Variants in LRRC27 observed in about 807,000 individuals in gnomAD.
LRRC27 encodes the protein leucine-rich repeat-containing protein 27.
LRRC27 carries 57 observed loss-of-function variants against 55.0 expected under a neutral mutation model. That is an observed-to-expected ratio of 1.04 (90% CI 0.84 to 1.29). The LOEUF (loss-of-function observed/expected upper bound fraction) is 1.29, where lower values mean the gene tolerates loss of function less well. Among genes scored for constraint, LRRC27 ranks in the 50% most tolerant of loss-of-function variants. LRRC27 has a pLI of 0.00. For synonymous variants in LRRC27, 278 were observed against 251.9 expected, an observed-to-expected ratio of 1.10 and a Z score of -0.98; for missense variants, 721 against 651.5, an observed-to-expected ratio of 1.11 and a Z score of -1.16.
At chr10:132,334,071 A>G (rs921557832) in intron 2 of LRRC27, among the ~76,000 whole-genome samples, 3 of 152,254 alleles carry the variant, frequency 2.0e-5, no homozygotes, top group African/African-American at 7.2e-5. Flanking sequence ...ATCAGGCAAC[A>G]TGAGCAGTTA....
At position 132,372,186 on chromosome 10, in the gene LRRC27, G is replaced by A. The variant is rs1167351109; in HGVS notation, c.1417-2880G>A. On this transcript the variant is annotated intron_variant, in intron 10 of 10. Transcript: ENST00000368614. This position sits in a 1 kb window ranked among gnomAD's most constrained non-coding sequence, Gnocchi z 4.0. ...CAGGAAGACAAAACCAACCACAGAA[G>A]GATGGGAAGTGGGGGTCGGGGTGCG... 1.3e-5 allele frequency among the ~76,000 whole-genome samples: 2 copies of A among 151,494 alleles called. No homozygotes were observed. Among genetic ancestry groups the A allele is most frequent in the South Asian group, 2.1e-4 (1 of 4,804 alleles).
chr10:132,339,570 G>A (rs1437417952), intron 3 of LRRC27, among the ~76,000 whole-genome samples: 2 of 152,174 alleles, frequency 1.3e-5, no homozygotes, highest in African/African-American at 4.8e-5. Flanking sequence ...TTGTGTTTTG[G>A]GAGCTGCATG....
At chr10:132,352,291 G>T (rs5016697) in intron 7 of LRRC27, among the ~76,000 whole-genome samples, 4,895 of 11,194 alleles carry the variant, frequency 0.44, 1,754 homozygotes, top group African/African-American at 0.74. Flanking sequence ...GAGGCCTCCG[G>T]GTGGGGCAGG....
chr10:132,348,246 C>A lies in LRRC27; in HGVS notation c.816C>A (p.His272Gln). 1 of 1,613,992 alleles carries A rather than the reference C, an allele frequency of 6.2e-7. No individual in the cohort carries two copies. The highest frequency in any genetic ancestry group is 8.5e-7 in the Non-Finnish European group (1 of 1,180,034). Reference protein sequence around the residue: ...FWKLRQEIVEHVKADVLGDQL... With the variant: ...FWKLRQEIVEQVKADVLGDQL... Reference sequence around the variant, plus strand: ...AGCTGAGGCAGGAGATTGTTGAGCACGTGAAGGCAGACGTTCTGGGAGATC... The same window carrying A: ...AGCTGAGGCAGGAGATTGTTGAGCAAGTGAAGGCAGACGTTCTGGGAGATC... Residue 272 changes from histidine (H) to glutamine (Q), a missense_variant, in exon 6 of 11, where the codon CAC becomes CAA. Physicochemically the swap from His to Gln is conservative, Grantham distance 24. Coordinates refer to ENST00000368614, the MANE Select transcript of LRRC27 (RefSeq NM_030626.3). The surrounding 1 kb of genome is among the most constrained non-coding windows in gnomAD (Gnocchi z 4.2).
upstream of LRRC27, chr10:132,331,499 T>A (rs750829895): frequency 6.2e-7 from 1 of 1,612,850 alleles, no homozygotes; most frequent in Non-Finnish European, 8.5e-7. Context: ...AAGAGGACGC[T>A]CTGAGTCTGC....
chr10:132,338,899 G>A (rs754293628), intron 3 of LRRC27, among the ~76,000 whole-genome samples: 2 of 151,958 alleles, frequency 1.3e-5, no homozygotes, highest in African/African-American at 2.4e-5. Context: ...TAGTAGAAAC[G>A]GGGTTTTGCC....
chr10:132,354,259 CT>C (rs957017909), intron 7 of LRRC27, among the ~76,000 whole-genome samples: 2 of 152,224 alleles, frequency 1.3e-5, no homozygotes, highest in Non-Finnish European at 2.9e-5. Context: ...ATTTTCCTGC[CT>C]GGAGCCCAGA....
At chr10:132,331,365 G>A (rs2066724616), upstream of LRRC27, 3 of 1,481,504 alleles carry the variant, frequency 2.0e-6, no homozygotes, top group South Asian at 1.3e-5. Flanking sequence ...GACCACGCGA[G>A]CACCTCCCCT....
chr10:132,333,069 T>C (rs2066896450), intron 1 of LRRC27, among the ~76,000 whole-genome samples: 1 of 152,076 alleles, frequency 6.6e-6, no homozygotes, highest in Non-Finnish European at 1.5e-5. Context: ...CTCAAGAAAC[T>C]AAAAACATAG....
intron 3 of LRRC27, among the ~76,000 whole-genome samples, chr10:132,340,856 G>A (rs558953060): frequency 5.0e-5 from 7 of 140,268 alleles, no homozygotes; most frequent in Admixed American, 3.0e-4. Context: ...ACTCCAGCCT[G>A]AGCCACAGAG....
chr10:132,362,191 A>T (rs1320653738), intron 9 of LRRC27, among the ~76,000 whole-genome samples: 1 of 126,826 alleles, frequency 7.9e-6, no homozygotes, highest in African/African-American at 3.5e-5. Flanking sequence ...GTCCCTGGCC[A>T]GGGGGCGGCC....
chr10:132,371,082 A>C (rs2069201813), intron 10 of LRRC27, among the ~76,000 whole-genome samples: 1 of 152,274 alleles, frequency 6.6e-6, no homozygotes, highest in Admixed American at 6.5e-5. Context: ...GAACCATCTA[A>C]GTTCACACTG....
Position 132,361,517 on chromosome 10 carries a change from C to T in LRRC27, c.1231C>T (p.Pro411Ser), listed in dbSNP as rs757619634. 14 of 1,613,976 alleles carry T rather than the reference C, an allele frequency of 8.7e-6. No individual in the cohort carries two copies. In the South Asian group the frequency reaches 1.5e-4, roughly 18 times the overall value. Reference sequence around the variant, plus strand: ...AGATAACAGGAAAGTACCACTGAATCCGCCTGGAAAAATGAAACCAAGCAA... The same window carrying T: ...AGATAACAGGAAAGTACCACTGAATTCGCCTGGAAAAATGAAACCAAGCAA... Reference protein sequence around the residue: ...LIDNRKVPLNPPGKMKPSKEK... With the variant: ...LIDNRKVPLNSPGKMKPSKEK... The change falls in exon 9 of 11, where the codon CCG (proline) becomes TCG (serine). Residue 411 changes from proline (P) to serine (S), a missense_variant. Coordinates refer to ENST00000368614, the MANE Select transcript of LRRC27 (RefSeq NM_030626.3).
chr10:132,331,370 T>TAA, upstream of LRRC27: 3 of 1,508,782 alleles, frequency 2.0e-6, no homozygotes, highest in Non-Finnish European at 1.8e-6. Flanking sequence ...CGCGAGCACC[T>TAA]CCCCTCCCGC....
In LRRC27 at chr10:132,375,087, G is replaced by C; in HGVS notation, c.1438G>C (p.Val480Leu). ...TAAGGCCACAGAGCTACAGGATGAA[G>C]TATTGAAGCTAAAATTGGGATTAAC... is the stretch of plus-strand genomic sequence containing the variant. ...LEIATELQDE[V>L]LKLKLGLTLN... Residue 480 changes from valine to leucine, a missense_variant, in exon 11 of 11, where the codon GTA (valine) becomes CTA (leucine). Physicochemically the swap from Val to Leu is conservative, Grantham distance 32. Coordinates refer to ENST00000368614, the MANE Select transcript of LRRC27 (RefSeq NM_030626.3). The C allele has an allele frequency of 6.2e-7, 1 of 1,613,712 alleles. No homozygotes were observed. Among genetic ancestry groups the C allele is most frequent in the African/African-American group, 1.3e-5 (1 of 75,046 alleles).
chr10:132,334,461 G>C (rs2067019387), intron 2 of LRRC27, among the ~76,000 whole-genome samples: 1 of 152,196 alleles, frequency 6.6e-6, no homozygotes, highest in South Asian at 2.1e-4. Flanking sequence ...GGCTGATCTT[G>C]AATGCCTGAG....
intron 7 of LRRC27, among the ~76,000 whole-genome samples, chr10:132,353,609 G>C (rs1448089341): frequency 6.6e-6 from 1 of 152,200 alleles, no homozygotes; most frequent in African/African-American, 2.4e-5. Flanking sequence ...GAGGCTGACT[G>C]ACCGCTCTAG....
At chr10:132,362,093 A>G (rs980825188) in intron 9 of LRRC27, among the ~76,000 whole-genome samples, 2 of 152,062 alleles carry the variant, frequency 1.3e-5, no homozygotes, top group South Asian at 2.1e-4. Context: ...GGTGAAGGGG[A>G]CTCAGGCAAA....
chr10:132,339,278 T>C (rs2067283080), intron 3 of LRRC27, among the ~76,000 whole-genome samples: 1 of 152,250 alleles, frequency 6.6e-6, no homozygotes, highest in South Asian at 2.1e-4. Context: ...TAGGAGGCCC[T>C]TCACTTGCCT....
Sources: allele counts gnomAD v4.1 joint callset (sites outside exome capture counted in the v4.1 genomes callset), GRCh38; gene constraint gnomAD v4.1.1; non-coding constraint Gnocchi (gnomAD v3.1); transcripts MANE v1.5; gene names NCBI Gene and HGNC (gene_info 2026-07-23, HGNC 2026-07-21).